The following RADIL variants were observed in gnomAD, a reference collection of about 807,000 sequenced individuals.
RADIL encodes the protein Rap associating with DIL domain, also known as ras-associating and dilute domain-containing protein.
Under a neutral mutation model 97.6 loss-of-function variants are expected in RADIL, and 99 were observed. That is an observed-to-expected ratio of 1.01 (90% CI 0.86 to 1.20). The LOEUF is 1.20. RADIL is among the 50% of genes most tolerant of loss of function. The pLI, the probability that RADIL is intolerant of heterozygous loss-of-function variation, is 0.00. For missense variants in RADIL, 1,765 were observed against 1,498.9 expected (o/e 1.18, Z -2.93); for synonymous variants, 803 against 691.8 (o/e 1.16, Z -2.52).
At chr7:4,802,728 C>A (rs1449608119) in intron 11 of RADIL, among the ~76,000 whole-genome samples, 2 of 104,096 alleles carry the variant, frequency 1.9e-5, no homozygotes, top group Non-Finnish European at 2.0e-5. Context: ...CACCTCGGGG[C>A]ACGCTGGCTG....
chr7:4,816,791 G>A (rs897621415), intron 7 of RADIL, among the ~76,000 whole-genome samples: 2 of 152,080 alleles, frequency 1.3e-5, no homozygotes, highest in African/African-American at 2.4e-5. Flanking sequence ...ACAAAATGAC[G>A]GGAGAGTCAC....
Position 4,883,219 on chromosome 7 carries a change from C to A in RADIL, c.-65+377G>T, listed in dbSNP as rs1335923631. On this transcript the variant is annotated intron_variant, in intron 1 of 14. Coordinates refer to ENST00000399583, the MANE Select transcript of RADIL (RefSeq NM_018059.5). This position sits in a 1 kb window ranked among gnomAD's most constrained non-coding sequence, Gnocchi z 7.1. Reference sequence around the variant, plus strand: ...CCCGCTGCGCGCCCCGGACGAAGCTCCCCCTCCAGGGCACAGCCGGGAAAA... The same window carrying A: ...CCCGCTGCGCGCCCCGGACGAAGCTACCCCTCCAGGGCACAGCCGGGAAAA... Among the ~76,000 whole-genome samples, 1 of 152,198 alleles carries A rather than the reference C, an allele frequency of 6.6e-6. No individual in the cohort carries two copies. Among genetic ancestry groups the A allele is most frequent in the African/African-American group, 2.4e-5 (1 of 41,544 alleles).
chr7:4,881,770 A>G (rs897493250), intron 1 of RADIL, among the ~76,000 whole-genome samples: 2 of 152,126 alleles, frequency 1.3e-5, no homozygotes, highest in Non-Finnish European at 2.9e-5. Context: ...GCCCCCAAAT[A>G]CAATGGAAAA....
chr7:4,872,810 G>A lies in RADIL; in HGVS notation c.535+4795C>T, dbSNP rs1302208826. ...ATGAGTGAACCGGCAGGAAGCGCCT[G>A]GCTGACACCTTCCCCACCAGACTCT... On this transcript the variant is annotated intron_variant, in intron 2 of 14. Coordinates refer to ENST00000399583, the MANE Select transcript of RADIL (RefSeq NM_018059.5). The surrounding 1 kb of genome is among the most constrained non-coding windows in gnomAD (Gnocchi z 5.8). Among the ~76,000 whole-genome samples the A allele has an allele frequency of 1.3e-5, 2 of 152,188 alleles. No homozygotes were observed. Among genetic ancestry groups the A allele is most frequent in the African/African-American group, 2.4e-5 (1 of 41,446 alleles).
At chr7:4,851,192 C>T (rs111230506) in intron 2 of RADIL, among the ~76,000 whole-genome samples, 6 of 132,346 alleles carry the variant, frequency 4.5e-5, no homozygotes, top group Admixed American at 1.5e-4. Context: ...AGCAAAACTC[C>T]GTCTCAAAAA....
At position 4,878,178 on chromosome 7, in the gene RADIL, G is replaced by A; in HGVS notation, c.-39C>T. 1.3e-6 allele frequency: 2 copies of A among 1,484,986 alleles called. No homozygotes were observed. The highest frequency in any genetic ancestry group is 1.4e-5 in the African/African-American group (1 of 71,302). 92.0% of individuals were successfully genotyped at this position (1,484,986 alleles called of 1,614,324 possible). A position where few individuals can be genotyped will look rare whatever the true frequency, so the allele number is the denominator to read the frequency against. ...TCATGGATGAGGACTGTGGGCTTCA[G>A]CCAAAGGATGTGGGGAGGCCGTGAC... is the stretch of plus-strand genomic sequence containing the variant. On this transcript the variant is annotated 5_prime_UTR_variant, in exon 2 of 15. Coordinates refer to ENST00000399583, the MANE Select transcript of RADIL (RefSeq NM_018059.5). The surrounding 1 kb of genome is among the most constrained non-coding windows in gnomAD (Gnocchi z 4.1).
At chr7:4,846,063 C>T (rs1215055988) in intron 2 of RADIL, among the ~76,000 whole-genome samples, 3 of 151,848 alleles carry the variant, frequency 2.0e-5, no homozygotes, top group Non-Finnish European at 2.9e-5. Flanking sequence ...CTATGGAGGG[C>T]GCTGTTTCAT....
intron 5 of RADIL, among the ~76,000 whole-genome samples, chr7:4,831,258 C>T (rs1479508638): frequency 6.6e-6 from 1 of 150,760 alleles, no homozygotes; most frequent in Non-Finnish European, 1.5e-5. Context: ...GAGCTAGAGG[C>T]TATTATGCTT....
At chr7:4,809,746 G>C (rs1782484807) in intron 9 of RADIL, 1 of 596,512 alleles carries the variant, frequency 1.7e-6, no homozygotes. Flanking sequence ...GCAGTGGCGT[G>C]ATCTCGGCTC....
At chr7:4,810,420 C>T (rs77637556) in intron 9 of RADIL, among the ~76,000 whole-genome samples, 2,165 of 152,296 alleles carry the variant, frequency 0.014, 50 homozygotes, top group African/African-American at 0.049. Flanking sequence ...CCTCCTGCCT[C>T]GGCCTCCCAA....
chr7:4,846,076 C>G (rs1310527814), intron 2 of RADIL, among the ~76,000 whole-genome samples: 1 of 152,022 alleles, frequency 6.6e-6, no homozygotes, highest in Non-Finnish European at 1.5e-5. Flanking sequence ...TGTTTCATCT[C>G]AGGCACCACT....
At chr7:4,839,072 T>G (rs1419917509) in intron 2 of RADIL, among the ~76,000 whole-genome samples, 1 of 152,222 alleles carries the variant, frequency 6.6e-6, no homozygotes. Flanking sequence ...GAGAAGACCG[T>G]AGCCAGCTGT....
intron 9 of RADIL, chr7:4,808,528 A>G: frequency 1.0e-6 from 1 of 959,570 alleles, no homozygotes; most frequent in Non-Finnish European, 1.2e-6. Flanking sequence ...AAAGGGTTTG[A>G]GAAAAACAAA....
At chr7:4,850,412 G>A (rs1783680667) in intron 2 of RADIL, among the ~76,000 whole-genome samples, 1 of 152,178 alleles carries the variant, frequency 6.6e-6, no homozygotes, top group African/African-American at 2.4e-5. Context: ...TGGCAGAAGA[G>A]ATTCTGCAGA....
At chr7:4,861,656 ACCCCGAAG>A (rs941415520) in intron 2 of RADIL, 3 of 1,605,014 alleles carry the variant, frequency 1.9e-6, no homozygotes, top group Non-Finnish European at 2.6e-6. Context: ...CTCTTCGAAG[ACCCCGAAG>A]GGCCTGAGGG....
Position 4,819,893 on chromosome 7 carries a change from C to G in RADIL, c.1615+2501G>C, listed in dbSNP as rs561754499. ...TGCTCAGGCCCCTGACCAAAAATAA[C>G]TTCCTCCCAAGACCAAAGGCAGCAG... On this transcript the variant is annotated intron_variant, in intron 6 of 14. Coordinates refer to ENST00000399583, the MANE Select transcript of RADIL (RefSeq NM_018059.5). The surrounding 1 kb of genome is among the most constrained non-coding windows in gnomAD (Gnocchi z 5.8). Among the ~76,000 whole-genome samples, 1 of 152,194 alleles carries G rather than the reference C, an allele frequency of 6.6e-6. No homozygotes were observed. Among genetic ancestry groups the G allele is most frequent in the Non-Finnish European group, 1.5e-5 (1 of 68,030 alleles).
Position 4,815,221 on chromosome 7 carries a change from C to T in RADIL, c.2139+57G>A. ...CAGGCTTGGTTTGTGAGCCAGGGACCCACAGCATGTGGCCCCGCCCCTCCC... is the reference window on the plus strand; with the variant it reads ...CAGGCTTGGTTTGTGAGCCAGGGACTCACAGCATGTGGCCCCGCCCCTCCC... On this transcript the variant is annotated intron_variant, in intron 9 of 14. Coordinates refer to ENST00000399583, the MANE Select transcript of RADIL (RefSeq NM_018059.5). This position sits in a 1 kb window ranked among gnomAD's most constrained non-coding sequence, Gnocchi z 8.0. 8 of 1,456,400 alleles carry T rather than the reference C, an allele frequency of 5.5e-6. No individual in the cohort carries two copies. The highest frequency in any genetic ancestry group is 1.4e-5 in the South Asian group (1 of 72,242). 90.2% of individuals were successfully genotyped at this position (1,456,400 alleles called of 1,614,324 possible).
At position 4,849,138 on chromosome 7, in the gene RADIL, C is replaced by CA. The variant is rs199947712; in HGVS notation, c.536-12534dup. 4.0e-3 allele frequency among the ~76,000 whole-genome samples: 485 copies of CA among 120,498 alleles called. 5 individuals are homozygous for CA. The highest frequency in any genetic ancestry group is 4.8e-3 in the Middle Eastern group (1 of 210). 79.1% of individuals were successfully genotyped at this position (120,498 alleles called of 152,430 possible). A position where few individuals can be genotyped will look rare whatever the true frequency, so the allele number is the denominator to read the frequency against. On this transcript the variant is annotated intron_variant, in intron 2 of 14. Coordinates refer to ENST00000399583, the MANE Select transcript of RADIL (RefSeq NM_018059.5). This position sits in a 1 kb window ranked among gnomAD's most constrained non-coding sequence, Gnocchi z 5.4. ...GGGCAACAAGAGGGAAATTCTGTCT[C>CA]AAAAAAAAAAAAAAAAAGGGAATTA...
intron 2 of RADIL, chr7:4,865,415 T>A: frequency 1.5e-6 from 1 of 662,404 alleles, no homozygotes; most frequent in Non-Finnish European, 2.8e-6. Context: ...ACAAAATATT[T>A]CAGATAAATG....
Sources: allele counts gnomAD v4.1 joint callset (sites outside exome capture counted in the v4.1 genomes callset), GRCh38; gene constraint gnomAD v4.1.1; non-coding constraint Gnocchi (gnomAD v3.1); transcripts MANE v1.5; gene names NCBI Gene and HGNC (gene_info 2026-07-23, HGNC 2026-07-21).